ITGA1: variants seen among roughly 807,000 people sequenced by gnomAD.
ITGA1 encodes the protein integrin subunit alpha 1.
ITGA1 carries 85 observed loss-of-function variants against 145.9 expected under a neutral mutation model. The observed-to-expected ratio is 0.58, with a 90% CI of 0.49 to 0.70. ITGA1 has a LOEUF of 0.70. Among genes scored for constraint, ITGA1 ranks in the 30% least tolerant of loss-of-function variants. The pLI is 0.00. For missense variants in ITGA1, 1,351 were observed against 1,418.7 expected (o/e 0.95, Z 0.77); for synonymous variants, 520 against 495.3 (o/e 1.05, Z -0.66).
chr5:52,948,562 C>T (rs539029873), intron 28 of ITGA1, among the ~76,000 whole-genome samples: 1 of 152,252 alleles, frequency 6.6e-6, no homozygotes, highest in African/African-American at 2.4e-5. Context: ...AAATAGAATC[C>T]ATGGCTTTTC....
chr5:52,806,911 A>G (rs72754575), intron 1 of ITGA1, among the ~76,000 whole-genome samples: 3,811 of 152,320 alleles, frequency 0.025, 64 homozygotes, highest in Middle Eastern at 0.092. Flanking sequence ...TTTTAACTCT[A>G]TAATAATTGA....
intron 5 of ITGA1, 38 bp from the exon 6 acceptor site, chr5:52,865,650 AAT>A (rs1749676036): frequency 7.1e-7 from 1 of 1,407,266 alleles, no homozygotes; most frequent in Non-Finnish European, 9.2e-7. Context: ...CTCTGAAAAA[AAT>A]AGATTCCAAA....
chr5:52,946,248 C>T (rs540005766), intron 27 of ITGA1, among the ~76,000 whole-genome samples: 2 of 152,200 alleles, frequency 1.3e-5, no homozygotes, highest in South Asian at 4.1e-4. Flanking sequence ...TTAAAATCTG[C>T]CTTGCTGGGC....
At chr5:52,894,834 A>C (rs550432502) in intron 9 of ITGA1, among the ~76,000 whole-genome samples, 1 of 152,306 alleles carries the variant, frequency 6.6e-6, no homozygotes, top group Non-Finnish European at 1.5e-5. Flanking sequence ...GAAAAAAAGT[A>C]GACCATTTTG....
chr5:52,836,854 T>A (rs891712599), intron 1 of ITGA1, among the ~76,000 whole-genome samples: 11 of 151,984 alleles, frequency 7.2e-5, no homozygotes, highest in Non-Finnish European at 1.3e-4. Flanking sequence ...AATTAGAAAA[T>A]CTTAGAGAAG....
intron 1 of ITGA1, among the ~76,000 whole-genome samples, chr5:52,788,666 G>C (rs7706108): frequency 0.78 from 118,043 of 152,152 alleles, 45,944 homozygotes; most frequent in Non-Finnish European, 0.79. Flanking sequence ...GAAAACCTTA[G>C]AAGGTAGAAT....
chr5:52,897,479 C>T lies in ITGA1; in HGVS notation c.1115C>T (p.Ser372Leu). ...LEATADQSAA[S>L]FEMEMSQTGF... is the part of the protein sequence containing the mutation. ...GCCACAGCTGACCAGTCAGCAGCTT[C>T]ATTTGAAATGGAAATGTCTCAGACT... Residue 372 changes from serine to leucine, a missense_variant, in exon 10 of 29, where the codon TCA becomes TTA. Physicochemically the swap from Ser to Leu is moderately radical, Grantham distance 145. Coordinates refer to ENST00000282588, the MANE Select transcript of ITGA1 (RefSeq NM_181501.2). 6.2e-7 allele frequency: 1 copy of T among 1,612,992 alleles called. No individual in the cohort carries two copies. Among genetic ancestry groups the T allele is most frequent in the South Asian group, 1.1e-5 (1 of 91,030 alleles).
Position 52,789,377 on chromosome 5 carries a change from G to C in ITGA1, c.61+963G>C, listed in dbSNP as rs77518522. 4.3e-4 allele frequency among the ~76,000 whole-genome samples: 66 copies of C among 152,190 alleles called. No individual in the cohort carries two copies. In the East Asian group the frequency reaches 0.011, roughly 25 times the overall value. On this transcript the variant is annotated intron_variant, in intron 1 of 28. Coordinates refer to ENST00000282588, the MANE Select transcript of ITGA1 (RefSeq NM_181501.2). Reference sequence around the variant, plus strand: ...CAATTGTTCAGTGTTTTTACTGCTGGCATGGTTATTAGTACTAGTTAATTT... The same window carrying C: ...CAATTGTTCAGTGTTTTTACTGCTGCCATGGTTATTAGTACTAGTTAATTT...
intron 1 of ITGA1, chr5:52,800,442 G>A (rs746048979): frequency 6.2e-7 from 1 of 1,613,980 alleles, no homozygotes; most frequent in South Asian, 1.1e-5. Flanking sequence ...CGGGCCAGGT[G>A]ACCCTGGTCC....
intron 1 of ITGA1, chr5:52,824,819 T>C (rs896530080): frequency 6.6e-6 from 1 of 152,220 alleles, no homozygotes; most frequent in African/African-American, 2.4e-5. Context: ...CAGAATTCTA[T>C]ATATTATTTG....
At chr5:52,874,212 A>T (rs958487158) in intron 6 of ITGA1, among the ~76,000 whole-genome samples, 1 of 152,160 alleles carries the variant, frequency 6.6e-6, no homozygotes, top group African/African-American at 2.4e-5. Context: ...GCCACGTGCA[A>T]AAAGACCAAA....
At position 52,788,413 on chromosome 5, in the gene ITGA1, T is replaced by C; in HGVS notation, c.60T>C (p.Thr20=). 1 of 1,509,578 alleles carries C rather than the reference T, an allele frequency of 6.6e-7. No homozygotes were observed. The highest frequency in any genetic ancestry group is 8.8e-7 in the Non-Finnish European group (1 of 1,131,470). The allele number at this position is 1,509,578 out of a possible 1,614,324, so 93.5% of individuals were successfully genotyped here. ...GVAVACCWLL[T]VVLRCCVSFN... The stretch of plus-strand genomic sequence containing the variant: ...CTGTCGCCTGCTGCTGGCTCCTCAC[T>C]GGTGAGCGACTCGCTTTTCTCTGAG... Residue 20 remains threonine, a splice_region_variant and synonymous_variant, in exon 1 of 29, where the codon ACT becomes ACC. Coordinates refer to ENST00000282588, the MANE Select transcript of ITGA1 (RefSeq NM_181501.2).
chr5:52,930,118 A>G (rs1750873110), intron 21 of ITGA1, among the ~76,000 whole-genome samples: 1 of 152,204 alleles, frequency 6.6e-6, no homozygotes, highest in Admixed American at 6.6e-5. Flanking sequence ...TATTCAAATC[A>G]GTCAGTACTT....
chr5:52,852,408 A>C (rs1749444010), intron 2 of ITGA1, among the ~76,000 whole-genome samples: 2 of 152,208 alleles, frequency 1.3e-5, no homozygotes, highest in Non-Finnish European at 2.9e-5. Context: ...ATGAGCCTTC[A>C]GGCTGTATTA....
At chr5:52,841,182 A>G (rs1384703296) in intron 1 of ITGA1, among the ~76,000 whole-genome samples, 2 of 152,218 alleles carry the variant, frequency 1.3e-5, no homozygotes, top group Non-Finnish European at 2.9e-5. Flanking sequence ...AAAGAATTTT[A>G]GTAAGATTTC....
chr5:52,913,025 C>A (rs1579716531), intron 14 of ITGA1, among the ~76,000 whole-genome samples: 1 of 151,978 alleles, frequency 6.6e-6, no homozygotes, highest in Non-Finnish European at 1.5e-5. Context: ...GGATTACAGG[C>A]GTGAGCCACC....
chr5:52,802,729 T>C (rs191748324), intron 1 of ITGA1: 3 of 152,324 alleles, frequency 2.0e-5, no homozygotes, highest in Admixed American at 2.0e-4. Context: ...TAATTCTGTT[T>C]TATATTTGTA....
intron 3 of ITGA1, among the ~76,000 whole-genome samples, chr5:52,863,630 T>C (rs747912111): frequency 3.0e-4 from 45 of 152,214 alleles, no homozygotes; most frequent in Non-Finnish European, 7.3e-5. Context: ...TTTTTAATTC[T>C]TCCTAGAATT....
chr5:52,799,586 G>A (rs1464150696), intron 1 of ITGA1, among the ~76,000 whole-genome samples: 1 of 152,200 alleles, frequency 6.6e-6, no homozygotes, highest in African/African-American at 2.4e-5. Context: ...GTGCAGACAC[G>A]GTAACTAGGC....
Sources: gnomAD v4.1 joint callset for allele counts (sites outside exome capture counted in the v4.1 genomes callset) on GRCh38, gnomAD v4.1.1 for gene constraint, MANE v1.5 for transcripts, NCBI Gene and HGNC (gene_info 2026-07-23, HGNC 2026-07-21) for gene names.